Variants in RNF213 observed in about 807,000 individuals in gnomAD.
RNF213 encodes the protein E3 ubiquitin-protein ligase RNF213.
RNF213 carries 341 observed loss-of-function variants against 514.4 expected under a neutral mutation model. That is an observed-to-expected ratio of 0.66 (90% confidence interval 0.61 to 0.73). The LOEUF (loss-of-function observed/expected upper bound fraction) is 0.73, where lower values mean the gene tolerates loss of function less well. Among genes scored for constraint, RNF213 ranks in the 30% least tolerant of loss-of-function variants. RNF213 has a pLI of 0.00. For missense variants in RNF213, 5,767 were observed against 6,615.6 expected (o/e 0.87, Z 4.45); for synonymous variants, 2,655 against 2,658.2 (o/e 1.00, Z 0.04).
intron 49 of RNF213, 123 bp from the exon 50 acceptor site, chr17:80,374,335 G>A: frequency 7.7e-7 from 1 of 1,297,022 alleles, no homozygotes; most frequent in East Asian, 2.3e-5. Flanking sequence ...CCAGGTCAGG[G>A]AATCCCAGCT....
chr17:80,266,063 C>G (rs1020934274), intron 2 of RNF213, among the ~76,000 whole-genome samples: 1 of 152,072 alleles, frequency 6.6e-6, no homozygotes, highest in African/African-American at 2.4e-5. Context: ...GGCCCACTAG[C>G]AGAGATTATG....
chr17:80,378,782 G>A (rs1311634176), intron 54 of RNF213, among the ~76,000 whole-genome samples: 1 of 152,200 alleles, frequency 6.6e-6, no homozygotes, highest in African/African-American at 2.4e-5. Flanking sequence ...AACTGGTTTG[G>A]TGTGTTATCA....
At chr17:80,293,264 G>A (rs1350590823) in intron 8 of RNF213, among the ~76,000 whole-genome samples, 2 of 151,586 alleles carry the variant, frequency 1.3e-5, no homozygotes, top group African/African-American at 4.8e-5. Context: ...GTCTTGCTGT[G>A]TTGCCCAGTC....
At chr17:80,335,477 C>T (rs1432178277) in intron 22 of RNF213, among the ~76,000 whole-genome samples, 1 of 152,174 alleles carries the variant, frequency 6.6e-6, no homozygotes, top group Non-Finnish European at 1.5e-5. Context: ...GATGCACATC[C>T]TTCAGTGAGT....
intron 61 of RNF213, among the ~76,000 whole-genome samples, 191 bp from the exon 62 acceptor site, chr17:80,386,059 G>T (rs983914277): frequency 6.6e-5 from 10 of 152,138 alleles, no homozygotes; most frequent in African/African-American, 2.2e-4. Flanking sequence ...GTACTCTTCA[G>T]TCCCTAAATA....
chr17:80,318,865 G>A (rs146664713), intron 16 of RNF213, among the ~76,000 whole-genome samples: 8,034 of 152,274 alleles, frequency 0.053, 343 homozygotes, highest in East Asian at 0.17. Flanking sequence ...GAGCCACCGC[G>A]CCCGGCCTAT....
chr17:80,380,403 T>G (rs943778738), intron 55 of RNF213, among the ~76,000 whole-genome samples: 1 of 152,172 alleles, frequency 6.6e-6, no homozygotes, highest in Non-Finnish European at 1.5e-5. Flanking sequence ...CCACACTGCA[T>G]CTCCTCTCTG....
Position 80,288,839 on chromosome 17 carries a change from ATT to A in RNF213, c.933+86_933+87del. The A allele has an allele frequency of 6.2e-7, 1 of 1,604,434 alleles. No homozygotes were observed. Among genetic ancestry groups the A allele is most frequent in the Non-Finnish European group, 8.5e-7 (1 of 1,174,196 alleles). The stretch of plus-strand genomic sequence containing the variant: ...TCTTTCATTTAATTATTCAGCAAAT[ATT>A]TAAGTGCTGGGGATATAGCCATGAT... On this transcript the variant is annotated intron_variant, in intron 5 of 67. Coordinates refer to ENST00000582970, the MANE Select transcript of RNF213 (RefSeq NM_001256071.3). This position sits in a 1 kb window ranked among gnomAD's most constrained non-coding sequence, Gnocchi z 4.9.
In RNF213 at chr17:80,367,979, C is replaced by T. The variant is rs556845297; in HGVS notation, c.11991C>T (p.Cys3997=). The T allele has an allele frequency of 1.7e-4, 272 of 1,614,264 alleles. No homozygotes were observed. In the South Asian group the frequency reaches 2.6e-3, roughly 15 times the overall value. The change falls in exon 44 of 68, where the codon TGC becomes TGT. Residue 3997 remains cysteine, a synonymous_variant. Transcript: ENST00000582970. The part of the protein sequence containing the change: ...KTLSRFGIQP[C]SICLGDAKDP... ...ATTCTAGGTTTGGGATTCAGCCGTG[C>T]TCCATCTGCCTGGGAGATGCAAAGG... is the stretch of plus-strand genomic sequence containing the variant.
In RNF213 at chr17:80,358,336, G is replaced by A. The variant is rs371091011; in HGVS notation, c.10911G>A (p.Ala3637=). The A allele has an allele frequency of 2.8e-5, 46 of 1,614,144 alleles. No homozygotes were observed. The highest frequency in any genetic ancestry group is 4.5e-5 in the East Asian group (2 of 44,884). Residue 3637 remains alanine, a synonymous_variant, in exon 37 of 68, where the codon GCG becomes GCA. Coordinates refer to ENST00000582970, the MANE Select transcript of RNF213 (RefSeq NM_001256071.3). ...RVQGAVTPLL[A]SMISFIDRDG... ...AAGGTGCTGTCACCCCTCTGCTGGCGAGCATGATATCATTCATCGACAGAG... is the reference window on the plus strand; with the variant it reads ...AAGGTGCTGTCACCCCTCTGCTGGCAAGCATGATATCATTCATCGACAGAG...
At position 80,364,926 on chromosome 17, in the gene RNF213, A is replaced by T. The variant is rs140866230; in HGVS notation, c.11871+373A>T. The stretch of plus-strand genomic sequence containing the variant: ...GGAAGCTGTTACCATTTTCATAGTC[A>T]TGGAGACAAGGATGTCAGAGAATGC... On this transcript the variant is annotated intron_variant, in intron 42 of 67. Transcript: ENST00000582970. 2.9e-3 allele frequency: 918 copies of T among 321,860 alleles called. 7 individuals are homozygous for T. Among genetic ancestry groups the T allele is most frequent in the African/African-American group, 0.016 (754 of 46,586 alleles). The allele number at this position is 321,860 out of a possible 1,614,324, so 19.9% of individuals were successfully genotyped here.
intron 7 of RNF213, among the ~76,000 whole-genome samples, chr17:80,291,092 A>G (rs35573434): frequency 0.23 from 35,738 of 152,078 alleles, 5,148 homozygotes; most frequent in African/African-American, 0.4. Flanking sequence ...GATTACAGGC[A>G]TGAGCCACTG....
intron 11 of RNF213, 78 bp downstream of exon 11, chr17:80,298,596 GCTC>G: frequency 6.9e-7 from 1 of 1,457,852 alleles, no homozygotes; most frequent in Non-Finnish European, 9.6e-7. Flanking sequence ...GTCCCGGTGG[GCTC>G]TGCAGTGACT....
At position 80,386,709 on chromosome 17, in the gene RNF213, G is replaced by A. The variant is rs138842793; in HGVS notation, c.14740G>A (p.Glu4914Lys). 34 of 1,614,076 alleles carry A rather than the reference G, an allele frequency of 2.1e-5. No homozygotes were observed. The highest frequency in any genetic ancestry group is 2.8e-5 in the Non-Finnish European group (33 of 1,180,046). The stretch of plus-strand genomic sequence containing the variant: ...CCTCAGCTATTCCGTGGATGCCGCC[G>A]AGGTCACTGAACTGCATGTCATCAG... ...ENNSYSVDAAEVTELHVISYE... is the reference protein window; with the variant it reads ...ENNSYSVDAAKVTELHVISYE... The change falls in exon 63 of 68, where the codon GAG becomes AAG. Residue 4914 changes from glutamate to lysine, a missense_variant. Coordinates refer to ENST00000582970, the MANE Select transcript of RNF213 (RefSeq NM_001256071.3).
chr17:80,291,932 T>C, intron 8 of RNF213, 105 bp downstream of exon 8: 2 of 1,239,544 alleles, frequency 1.6e-6, no homozygotes, highest in Non-Finnish European at 2.3e-6. Context: ...GCCTGGGCAG[T>C]GAGGTCCTCT....
rs1413891854 is a variant in RNF213 at position 80,395,659 on chromosome 17, A to T, written c.*2161A>T. The T allele has an allele frequency of 1.3e-5, 2 of 152,316 alleles. No individual in the cohort carries two copies. Among genetic ancestry groups the T allele is most frequent in the Non-Finnish European group, 2.9e-5 (2 of 68,102 alleles). 9.4% of individuals were successfully genotyped at this position (152,316 alleles called of 1,614,324 possible). A position where few individuals can be genotyped will look rare whatever the true frequency, so the allele number is the denominator to read the frequency against. On this transcript the variant is annotated 3_prime_UTR_variant, in exon 68 of 68. Transcript: ENST00000582970. ...GGGCTGCAGCTAACGGGGTACAGGT[A>T]GGAGCTAACTAACTTCACCCCTGAG...
Position 80,344,747 on chromosome 17 carries a change from G to T in RNF213, c.6412G>T (p.Val2138Leu). Reference protein sequence around the residue: ...PKVTCRPPKEVIDMELSALRS... With the variant: ...PKVTCRPPKELIDMELSALRS... Reference sequence around the variant, plus strand: ...AGTCACCTGCAGGCCTCCCAAAGAGGTGATAGACATGGAGCTGAGTGCCCT... The same window carrying T: ...AGTCACCTGCAGGCCTCCCAAAGAGTTGATAGACATGGAGCTGAGTGCCCT... Residue 2138 changes from valine to leucine, a missense_variant, in exon 29 of 68, where the codon GTG (valine) becomes TTG (leucine). Coordinates refer to ENST00000582970, the MANE Select transcript of RNF213 (RefSeq NM_001256071.3). 1 of 1,614,218 alleles carries T rather than the reference G, an allele frequency of 6.2e-7. No homozygotes were observed. The highest frequency in any genetic ancestry group is 8.5e-7 in the Non-Finnish European group (1 of 1,180,034).
At chr17:80,350,263 A>G in intron 30 of RNF213, 38 bp from the exon 31 acceptor site, 1 of 1,268,288 alleles carries the variant, frequency 7.9e-7, no homozygotes, top group Non-Finnish European at 1.2e-6. Flanking sequence ...TTTTTTTAAG[A>G]CAGAGAACTC....
intron 56 of RNF213, 110 bp downstream of exon 56, chr17:80,381,097 T>C: frequency 1.8e-6 from 2 of 1,103,240 alleles, no homozygotes; most frequent in Non-Finnish European, 2.8e-6. Flanking sequence ...GTTTTGGAGA[T>C]AATTAGTCTA....
Sources: allele counts gnomAD v4.1 joint callset (sites outside exome capture counted in the v4.1 genomes callset), GRCh38; gene constraint gnomAD v4.1.1; non-coding constraint Gnocchi (gnomAD v3.1); transcripts MANE v1.5; gene names NCBI Gene and HGNC (gene_info 2026-07-23, HGNC 2026-07-21).